The following OSBP2 variants were observed in gnomAD, a reference collection of about 807,000 sequenced individuals.
OSBP2 encodes the protein oxysterol-binding protein 2.
A neutral mutation model predicts 96.0 loss-of-function variants in OSBP2; 66 were observed. The observed-to-expected ratio is 0.69, with a 90% CI of 0.56 to 0.84. OSBP2 has a LOEUF of 0.84. OSBP2 is among the 40% of genes least tolerant of loss of function. The pLI is 0.00. For missense variants in OSBP2, 1,038 were observed against 1,222.7 expected (o/e 0.85, Z 2.25); for synonymous variants, 525 against 520.9 (o/e 1.01, Z -0.11).
At chr22:30,894,260 A>C in intron 12 of OSBP2, 1 of 426,928 alleles carries the variant, frequency 2.3e-6, no homozygotes, top group Non-Finnish European at 4.2e-6. Context: ...AAGAAATAAA[A>C]AACATACTTG....
rs149414281 is a variant in OSBP2, at chr22:30,860,637, C to T, written c.854-9792C>T. Among the ~76,000 whole-genome samples the T allele has an allele frequency of 6.0e-3, 920 of 152,342 alleles. 14 individuals carry two copies. Among genetic ancestry groups the T allele is most frequent in the African/African-American group, 0.021 (885 of 41,586 alleles). On this transcript the variant is annotated intron_variant, in intron 2 of 13. Coordinates refer to ENST00000332585, the MANE Select transcript of OSBP2 (RefSeq NM_030758.4). The stretch of plus-strand genomic sequence containing the variant: ...GAAGTCCTGGCCTGGGCAGCCACCC[C>T]TCTACCTTGGGGTGAAACTCAAACC...
Position 30,870,395 on chromosome 22 carries a change from G to A in OSBP2, c.854-34G>A, listed in dbSNP as rs750987943. ...AGGCCTCTTGGTACCACGTCTGTTC[G>A]TAATGACCGTAACAACTCTATTTTC... On this transcript the variant is annotated intron_variant, in intron 2 of 13. Transcript: ENST00000332585. This position sits in a 1 kb window ranked among gnomAD's most constrained non-coding sequence, Gnocchi z 4.1. The A allele has an allele frequency of 1.6e-5, 25 of 1,610,070 alleles. No individual in the cohort carries two copies. The highest frequency in any genetic ancestry group is 6.6e-5 in the South Asian group (6 of 90,896).
intron 12 of OSBP2, among the ~76,000 whole-genome samples, chr22:30,903,695 G>A (rs1448323755): frequency 1.3e-5 from 2 of 152,204 alleles, no homozygotes; most frequent in Non-Finnish European, 1.5e-5. Context: ...TTGAGGGTTG[G>A]GGGATAGCGC....
At chr22:30,888,491 C>T (rs1020734503) in intron 5 of OSBP2, 151 bp downstream of exon 5, 3 of 647,780 alleles carry the variant, frequency 4.6e-6, no homozygotes, top group Non-Finnish European at 8.3e-6. Context: ...CTTTGGGAGG[C>T]CAAGGGTAAG....
At chr22:30,835,634 G>T (rs943663444) in intron 2 of OSBP2, among the ~76,000 whole-genome samples, 2 of 150,926 alleles carry the variant, frequency 1.3e-5, no homozygotes, top group Non-Finnish European at 2.9e-5. Context: ...CTCCTGAAAA[G>T]TTTTCAAGAT....
chr22:30,889,429 G>A, intron 6 of OSBP2, 61 bp from the exon 7 acceptor site: 2 of 1,598,604 alleles, frequency 1.3e-6, no homozygotes, highest in Non-Finnish European at 1.7e-6. Context: ...GCAGAAACTT[G>A]GAAGCCAAGG....
chr22:30,862,981 AAAAG>A (rs1385345790), intron 2 of OSBP2, among the ~76,000 whole-genome samples: 2 of 151,866 alleles, frequency 1.3e-5, no homozygotes, highest in Non-Finnish European at 2.9e-5. Flanking sequence ...AAAAAAGAAA[AAAAG>A]AAAAAATAAT....
intron 1 of OSBP2, among the ~76,000 whole-genome samples, chr22:30,740,875 G>GCAAA (rs2089928625): frequency 6.6e-6 from 1 of 152,126 alleles, no homozygotes; most frequent in Admixed American, 6.6e-5. Flanking sequence ...GCCATTTCCT[G>GCAAA]GTGTCTGCAA....
rs537756821 is a variant in OSBP2 at position 30,904,117 on chromosome 22, T to C, written c.2376-1720T>C. ...TCCCAGTCTTCCCTTTGGGGAGCAG[T>C]TGGGGGGTGGCTGGCAGCAAGGGCC... On this transcript the variant is annotated intron_variant, in intron 12 of 13. Coordinates refer to ENST00000332585, the MANE Select transcript of OSBP2 (RefSeq NM_030758.4). 8.5e-5 allele frequency among the ~76,000 whole-genome samples: 13 copies of C among 152,156 alleles called. No individual in the cohort carries two copies. The East Asian group carries it at 2.3e-3, about 27-fold the overall frequency.
At chr22:30,757,903 G>A (rs907798040) in intron 2 of OSBP2, among the ~76,000 whole-genome samples, 6 of 152,160 alleles carry the variant, frequency 3.9e-5, no homozygotes, top group Non-Finnish European at 8.8e-5. Flanking sequence ...GATCCCTCAT[G>A]TGCAGCTTGT....
rs2040005996 is a variant in OSBP2 at position 30,893,744 on chromosome 22, C to T, written c.2190+11C>T. 6.2e-7 allele frequency: 1 copy of T among 1,613,826 alleles called. No homozygotes were observed. The highest frequency in any genetic ancestry group is 2.2e-5 in the East Asian group (1 of 44,886). On this transcript the variant is annotated intron_variant, in intron 11 of 13. Coordinates refer to ENST00000332585, the MANE Select transcript of OSBP2 (RefSeq NM_030758.4). ...GAGGCAGCCCGGAAGGTAAGCAGGACCAGCCACCTCTAAGCACCCCAGGGG... is the reference window on the plus strand; with the variant it reads ...GAGGCAGCCCGGAAGGTAAGCAGGATCAGCCACCTCTAAGCACCCCAGGGG...
At chr22:30,697,548 T>G (rs754448356) in intron 1 of OSBP2, among the ~76,000 whole-genome samples, 19 of 152,158 alleles carry the variant, frequency 1.2e-4, no homozygotes, top group Non-Finnish European at 2.2e-4. Flanking sequence ...AATCTTCTTT[T>G]CTTAAAACAA....
intron 1 of OSBP2, among the ~76,000 whole-genome samples, chr22:30,709,828 C>T (rs894153947): frequency 7.2e-5 from 11 of 152,026 alleles, no homozygotes; most frequent in South Asian, 6.2e-4. Context: ...AAGGCCACCT[C>T]GCCCAGCCCA....
At chr22:30,856,191 C>T (rs1481551045) in intron 2 of OSBP2, among the ~76,000 whole-genome samples, 1 of 152,052 alleles carries the variant, frequency 6.6e-6, no homozygotes, top group Non-Finnish European at 1.5e-5. Flanking sequence ...TCCTTCTTTG[C>T]CTCCTACCCC....
At chr22:30,895,349 A>C (rs533069150) in intron 12 of OSBP2, among the ~76,000 whole-genome samples, 1 of 152,340 alleles carries the variant, frequency 6.6e-6, no homozygotes, top group African/African-American at 2.4e-5. Flanking sequence ...CTGTACTGAA[A>C]GGGCCTATAG....
At chr22:30,762,894 C>T (rs904573830) in intron 2 of OSBP2, among the ~76,000 whole-genome samples, 3 of 152,174 alleles carry the variant, frequency 2.0e-5, no homozygotes, top group Admixed American at 6.5e-5. Context: ...TCAGAGTCCC[C>T]GCTTGTCAGT....
chr22:30,709,293 A>G (rs2089306921), intron 1 of OSBP2, among the ~76,000 whole-genome samples: 1 of 152,024 alleles, frequency 6.6e-6, no homozygotes, highest in Non-Finnish European at 1.5e-5. Context: ...ACCAAGATCT[A>G]CCCATAGAAT....
intron 2 of OSBP2, chr22:30,764,111 C>A: frequency 3.1e-6 from 1 of 319,058 alleles, no homozygotes; most frequent in Non-Finnish European, 4.5e-6. Flanking sequence ...GCCTTCACTT[C>A]TGGGGGGCTA....
intron 2 of OSBP2, among the ~76,000 whole-genome samples, chr22:30,763,554 G>A (rs1347279367): frequency 6.6e-6 from 1 of 150,442 alleles, no homozygotes; most frequent in Non-Finnish European, 1.5e-5. Context: ...GCTGAGGCAG[G>A]AGAATTGCTT....
Sources: gnomAD v4.1 joint callset for allele counts (sites outside exome capture counted in the v4.1 genomes callset) on GRCh38, gnomAD v4.1.1 for gene constraint, Gnocchi (gnomAD v3.1) non-coding constraint, MANE v1.5 for transcripts, NCBI Gene and HGNC (gene_info 2026-07-23, HGNC 2026-07-21) for gene names.